ARFIP1: variants seen among roughly 807,000 people sequenced by gnomAD.
ARFIP1 encodes the protein arfaptin-1.
Under a neutral mutation model 42.5 loss-of-function variants are expected in ARFIP1, and 24 were observed. The ratio of observed to expected loss-of-function variants is 0.57; its 90% CI spans 0.41 to 0.80. The LOEUF (loss-of-function observed/expected upper bound fraction) is 0.80, where lower values mean the gene tolerates loss of function less well. Among genes scored for constraint, ARFIP1 ranks in the 30% least tolerant of loss-of-function variants. The probability of loss-of-function intolerance (pLI) is 0.00; values close to 1 mark genes in which losing one functional copy is unlikely to be tolerated. For missense variants in ARFIP1, 354 were observed against 434.0 expected (o/e 0.82, Z 1.64); for synonymous variants, 141 against 153.7 (o/e 0.92, Z 0.61).
chr4:152,827,058 C>G, intron 1 of ARFIP1, among the ~76,000 whole-genome samples: 2 of 152,186 alleles, frequency 1.3e-5, no homozygotes, highest in East Asian at 3.9e-4. Context: ...TATACTGTTT[C>G]AATTTTATAA....
chr4:152,808,282 C>CATT (rs1729148062), intron 1 of ARFIP1, among the ~76,000 whole-genome samples: 1 of 15,552 alleles, frequency 6.4e-5, no homozygotes, highest in South Asian at 1.2e-3. Context: ...GCCTGGCCTC[C>CATT]ATTTTTTTTT....
chr4:152,863,411 A>G (rs1007580413), intron 2 of ARFIP1, among the ~76,000 whole-genome samples, 195 bp from the exon 3 acceptor site: 1 of 152,242 alleles, frequency 6.6e-6, no homozygotes, highest in African/African-American at 2.4e-5. Flanking sequence ...TGTACACAAT[A>G]CCACTTAATA....
At chr4:152,876,718 CAGGCCTGG>C (rs1423291095) in intron 5 of ARFIP1, among the ~76,000 whole-genome samples, 1 of 152,226 alleles carries the variant, frequency 6.6e-6, no homozygotes, top group Non-Finnish European at 1.5e-5. Flanking sequence ...CCTTCCATCA[CAGGCCTGG>C]AGGCCCAGGA....
Position 152,881,993 on chromosome 4 carries a change from C to T in ARFIP1, c.634-730C>T, listed in dbSNP as rs529106162. Among the ~76,000 whole-genome samples, 5 of 152,142 alleles carry T rather than the reference C, an allele frequency of 3.3e-5. No individual in the cohort carries two copies. In the South Asian group the frequency reaches 8.3e-4, roughly 25 times the overall value. On this transcript the variant is annotated intron_variant, in intron 6 of 8. Coordinates refer to ENST00000353617, the MANE Select transcript of ARFIP1 (RefSeq NM_001025595.3). ...AATGATACATCTTAGAATATGTGAT[C>T]GGTTTTTTATTTGGTTAGGTGCATC...
intron 1 of ARFIP1, among the ~76,000 whole-genome samples, chr4:152,827,255 A>T (rs189917481): frequency 6.6e-6 from 1 of 152,194 alleles, no homozygotes; most frequent in African/African-American, 2.4e-5. Flanking sequence ...AGACAGCATT[A>T]TTACTATTTT....
intron 3 of ARFIP1, among the ~76,000 whole-genome samples, chr4:152,865,986 C>T (rs1451908481): frequency 2.0e-5 from 3 of 151,838 alleles, no homozygotes; most frequent in Non-Finnish European, 4.4e-5. Context: ...GAACAAAGGT[C>T]TCTGGTTTTC....
chr4:152,816,601 A>G (rs1043206501), intron 1 of ARFIP1, among the ~76,000 whole-genome samples: 2 of 152,260 alleles, frequency 1.3e-5, no homozygotes, highest in Non-Finnish European at 2.9e-5. Flanking sequence ...ATGAACATTT[A>G]TGACTATATG....
intron 1 of ARFIP1, among the ~76,000 whole-genome samples, chr4:152,820,977 T>C (rs1386522568): frequency 6.6e-6 from 1 of 152,052 alleles, no homozygotes; most frequent in Non-Finnish European, 1.5e-5. Flanking sequence ...AGGAAATTTT[T>C]AAAAGAACCC....
intron 3 of ARFIP1, among the ~76,000 whole-genome samples, chr4:152,864,358 T>G (rs1403782740): frequency 6.6e-6 from 1 of 152,194 alleles, no homozygotes; most frequent in Non-Finnish European, 1.5e-5. Flanking sequence ...GCTAGGAGAA[T>G]TCACAGGACT....
At chr4:152,788,729 CAATT>C (rs1730962330) in intron 1 of ARFIP1, among the ~76,000 whole-genome samples, 2 of 150,840 alleles carry the variant, frequency 1.3e-5, no homozygotes, top group Non-Finnish European at 2.9e-5. Flanking sequence ...ACATTTGTCA[CAATT>C]AACCAATATT....
chr4:152,892,352 G>A (rs1736927835), intron 8 of ARFIP1, among the ~76,000 whole-genome samples: 1 of 151,866 alleles, frequency 6.6e-6, no homozygotes, highest in South Asian at 2.1e-4. Flanking sequence ...GCTTTCTTTT[G>A]GTTCTCATGT....
At chr4:152,894,165 G>A (rs1276253466) in intron 8 of ARFIP1, among the ~76,000 whole-genome samples, 3 of 146,512 alleles carry the variant, frequency 2.0e-5, no homozygotes, top group East Asian at 2.0e-4. Context: ...CCGAGATCGC[G>A]CCACTACACT....
chr4:152,810,034 T>C (rs949876639), intron 1 of ARFIP1: 5 of 152,242 alleles, frequency 3.3e-5, no homozygotes, highest in African/African-American at 1.2e-4. Flanking sequence ...GTTCAGTTTT[T>C]TGTTTATGAA....
chr4:152,862,095 A>G (rs534642503), intron 2 of ARFIP1, among the ~76,000 whole-genome samples: 37 of 152,336 alleles, frequency 2.4e-4, no homozygotes, highest in African/African-American at 8.4e-4. Flanking sequence ...ATCTCTCAAC[A>G]TAGACCTTTA....
chr4:152,818,455 C>A (rs1461229679), intron 1 of ARFIP1, among the ~76,000 whole-genome samples: 3 of 152,212 alleles, frequency 2.0e-5, no homozygotes, highest in Non-Finnish European at 4.4e-5. Flanking sequence ...CACGCCCAGA[C>A]TCCAGCAGGG....
intron 1 of ARFIP1, chr4:152,810,049 A>G (rs1729325804): frequency 6.6e-6 from 1 of 152,254 alleles, no homozygotes; most frequent in South Asian, 2.1e-4. Context: ...TATGAATATA[A>G]TAGTGAATCT....
intron 1 of ARFIP1, among the ~76,000 whole-genome samples, chr4:152,805,582 C>A (rs1728936802): frequency 6.6e-6 from 1 of 152,186 alleles, no homozygotes; most frequent in East Asian, 1.9e-4. Flanking sequence ...TTCTTCGTAA[C>A]CCTAGTTTCT....
In ARFIP1 at chr4:152,808,283, A is replaced by ATTTTTTTTTT; in HGVS notation, c.-9-21317_-9-21308dup. Among the ~76,000 whole-genome samples the ATTTTTTTTTT allele has an allele frequency of 4.7e-3, 95 of 20,318 alleles. 15 individuals are homozygous for ATTTTTTTTTT. The highest frequency in any genetic ancestry group is 6.0e-3 in the African/African-American group (37 of 6,206). The allele number at this position is 20,318 out of a possible 152,430, so 13.3% of individuals were successfully genotyped here. The stretch of plus-strand genomic sequence containing the variant: ...GTGTGAGCCACCACGCCTGGCCTCC[A>ATTTTTTTTTT]TTTTTTTTTTTTTTTTTTTTTTTTT... On this transcript the variant is annotated intron_variant, in intron 1 of 8. Transcript: ENST00000353617.
intron 2 of ARFIP1, among the ~76,000 whole-genome samples, chr4:152,830,739 C>T (rs1019225824): frequency 1.3e-5 from 2 of 152,106 alleles, no homozygotes; most frequent in Non-Finnish European, 2.9e-5. Context: ...CCTCTTCCTA[C>T]TATTTAATAG....
Sources: gnomAD v4.1 joint callset for allele counts (sites outside exome capture counted in the v4.1 genomes callset) on GRCh38, gnomAD v4.1.1 for gene constraint, MANE v1.5 for transcripts, NCBI Gene and HGNC (gene_info 2026-07-23, HGNC 2026-07-21) for gene names.